The following EIF3L variants were observed in gnomAD, a reference collection of about 807,000 sequenced individuals.
EIF3L encodes the protein eukaryotic translation initiation factor 3 subunit L, also known as eIEF associated protein HSPC021.
In EIF3L, 32 loss-of-function variants were observed where a neutral mutation model predicts 74.6. The ratio of observed to expected loss-of-function variants is 0.43; its 90% CI spans 0.32 to 0.58. The LOEUF is 0.58. EIF3L is among the 20% of genes least tolerant of loss of function. The pLI is 0.06. For missense variants in EIF3L, 474 were observed against 707.8 expected (o/e 0.67, Z 3.75); for synonymous variants, 256 against 254.4 (o/e 1.01, Z -0.06).
In EIF3L at chr22:37,877,772, G is replaced by A; in HGVS notation, c.1176G>A (p.Glu392=). 6.2e-7 allele frequency: 1 copy of A among 1,613,914 alleles called. No homozygotes were observed. Among genetic ancestry groups the A allele is most frequent in the Non-Finnish European group, 8.5e-7 (1 of 1,179,866 alleles). The change falls in exon 11 of 13, where the codon GAG becomes GAA. Residue 392 remains glutamate, a synonymous_variant. Transcript: ENST00000652021. ...IDESIHLQLR[E]KYGDKMLRMQ... is the part of the protein sequence containing the mutation. ...AGAGCATTCACCTCCAGCTGCGGGA[G>A]AAATATGGGGACAAGATGTTGCGCA...
At chr22:37,864,911 C>T (rs925834484) in intron 7 of EIF3L, among the ~76,000 whole-genome samples, 2 of 152,132 alleles carry the variant, frequency 1.3e-5, no homozygotes, top group African/African-American at 4.8e-5. Context: ...CATTGGTTTC[C>T]CCATCTCTAA....
chr22:37,874,105 A>G (rs1363825776), intron 8 of EIF3L, among the ~76,000 whole-genome samples: 1 of 152,086 alleles, frequency 6.6e-6, no homozygotes, highest in Non-Finnish European at 1.5e-5. Context: ...TATTTTACTG[A>G]TGAGAGGGGC....
intron 11 of EIF3L, chr22:37,878,744 A>G (rs776638424): frequency 6.5e-6 from 1 of 152,840 alleles, no homozygotes; most frequent in East Asian, 1.9e-4. Flanking sequence ...ATTACCAACA[A>G]TAGATGTTAT....
chr22:37,863,938 G>T (rs926932480), intron 7 of EIF3L, among the ~76,000 whole-genome samples: 1 of 151,914 alleles, frequency 6.6e-6, no homozygotes, highest in Admixed American at 6.6e-5. Context: ...GGTGGCAGGC[G>T]CCTGTAGTCC....
intron 11 of EIF3L, chr22:37,883,580 CAA>C: frequency 6.8e-6 from 1 of 147,970 alleles, no homozygotes; most frequent in Non-Finnish European, 1.5e-5. Context: ...GACTCCATCT[CAA>C]AAAAAAAAAT....
chr22:37,873,765 C>T (rs1362451874), intron 8 of EIF3L, among the ~76,000 whole-genome samples: 7 of 152,088 alleles, frequency 4.6e-5, no homozygotes, highest in African/African-American at 1.7e-4. Context: ...ATACAACAAT[C>T]TCTGGTTATT....
Position 37,868,634 on chromosome 22 carries a change from C to CTTTTTTTTTTTTT in EIF3L, c.580-1529_580-1517dup, listed in dbSNP as rs71195065. 5.6e-4 allele frequency among the ~76,000 whole-genome samples: 14 copies of CTTTTTTTTTTTTT among 25,132 alleles called. 3 individuals are homozygous for CTTTTTTTTTTTTT. The highest frequency in any genetic ancestry group is 2.3e-3 in the East Asian group (1 of 434). 16.5% of individuals were successfully genotyped at this position (25,132 alleles called of 152,430 possible). On this transcript the variant is annotated intron_variant, in intron 7 of 12. Coordinates refer to ENST00000652021, the MANE Select transcript of EIF3L (RefSeq NM_016091.4). ...ACACCTGGCTATTTTTGTTTTGGTG[C>CTTTTTTTTTTTTT]TTTTTTTTTTTTTTTTTTTTTTTTT...
intron 2 of EIF3L, among the ~76,000 whole-genome samples, chr22:37,850,781 T>C (rs1212962913): frequency 2.0e-5 from 3 of 152,258 alleles, no homozygotes; most frequent in African/African-American, 4.8e-5. Flanking sequence ...CTAAGTACTT[T>C]GTATGAAATA....
intron 7 of EIF3L, among the ~76,000 whole-genome samples, chr22:37,867,844 A>G (rs553031282): frequency 1.5e-3 from 225 of 150,534 alleles, no homozygotes; most frequent in African/African-American, 5.1e-3. Flanking sequence ...AGTCCCAGCT[A>G]CTCAGGAGGC....
intron 2 of EIF3L, 48 bp downstream of exon 2, chr22:37,850,111 T>C (rs1925105244): frequency 6.2e-7 from 1 of 1,606,044 alleles, no homozygotes; most frequent in East Asian, 2.2e-5. Flanking sequence ...GATCAGTTCC[T>C]TTGGAATGTC....
At chr22:37,861,638 T>C (rs924986304) in intron 5 of EIF3L, among the ~76,000 whole-genome samples, 1 of 151,462 alleles carries the variant, frequency 6.6e-6, no homozygotes, top group East Asian at 1.9e-4. Flanking sequence ...GAGCTGAGAT[T>C]GCACCGCTGC....
chr22:37,878,640 T>G (rs1451080537), intron 11 of EIF3L: 2 of 155,252 alleles, frequency 1.3e-5, no homozygotes, highest in Non-Finnish European at 2.9e-5. Flanking sequence ...ATTTTGTATT[T>G]TTCGTAGAAA....
chr22:37,880,914 T>A (rs1245519492), intron 11 of EIF3L: 3 of 152,282 alleles, frequency 2.0e-5, no homozygotes, highest in African/African-American at 7.2e-5. Flanking sequence ...GTCCATTGTG[T>A]GTAGCAGTGA....
chr22:37,853,728 A>G lies in EIF3L; in HGVS notation c.294-1837A>G, dbSNP rs1925351350. Reference sequence around the variant, plus strand: ...TATTTCTATATGTAATCAGTATTTAAAAATTAAGGGGATATTTGCCCTTTT... The same window carrying G: ...TATTTCTATATGTAATCAGTATTTAGAAATTAAGGGGATATTTGCCCTTTT... On this transcript the variant is annotated intron_variant, in intron 3 of 12. Coordinates refer to ENST00000652021, the MANE Select transcript of EIF3L (RefSeq NM_016091.4). 2.6e-5 allele frequency among the ~76,000 whole-genome samples: 4 copies of G among 152,346 alleles called. No individual in the cohort carries two copies. The South Asian group carries it at 8.3e-4, about 32-fold the overall frequency.
At chr22:37,857,387 A>AC (rs1925583395) in intron 4 of EIF3L, among the ~76,000 whole-genome samples, 1 of 151,156 alleles carries the variant, frequency 6.6e-6, no homozygotes, top group African/African-American at 2.4e-5. Context: ...AAAAAAAAAA[A>AC]AAAAACCAAT....
intron 3 of EIF3L, among the ~76,000 whole-genome samples, chr22:37,854,318 G>T (rs1925382023): frequency 6.6e-6 from 1 of 152,198 alleles, no homozygotes; most frequent in South Asian, 2.1e-4. Context: ...GTAACTTGGA[G>T]GGCCTTGATA....
intron 10 of EIF3L, chr22:37,877,296 T>G (rs139843): frequency 0.29 from 54,959 of 189,242 alleles, 9,848 homozygotes; most frequent in Non-Finnish European, 0.37. Context: ...CGTTGTTGAC[T>G]GAAACGCTGT....
chr22:37,853,122 C>T (rs1300817047), intron 3 of EIF3L, among the ~76,000 whole-genome samples: 1 of 152,090 alleles, frequency 6.6e-6, no homozygotes, highest in Non-Finnish European at 1.5e-5. Flanking sequence ...GATGATGAGT[C>T]CGTATCTGTA....
intron 10 of EIF3L, chr22:37,876,386 C>T (rs944688660): frequency 2.5e-5 from 4 of 158,996 alleles, no homozygotes; most frequent in Admixed American, 6.4e-5. Flanking sequence ...CTGCAACCTC[C>T]GCTTCCTGGG....
Sources: allele counts gnomAD v4.1 joint callset (sites outside exome capture counted in the v4.1 genomes callset), GRCh38; gene constraint gnomAD v4.1.1; transcripts MANE v1.5; gene names NCBI Gene and HGNC (gene_info 2026-07-23, HGNC 2026-07-21).